SNX9: variants seen among roughly 807,000 people sequenced by gnomAD.
SNX9 encodes sorting nexin-9.
A neutral mutation model predicts 89.4 loss-of-function variants in SNX9; 44 were observed. The ratio of observed to expected loss-of-function variants is 0.49; its 90% CI spans 0.39 to 0.63. The LOEUF (loss-of-function observed/expected upper bound fraction) is 0.63, where lower values mean the gene tolerates loss of function less well. SNX9 is among the 30% of genes least tolerant of loss of function. The pLI, the probability that SNX9 is intolerant of heterozygous loss-of-function variation, is 0.00. For missense variants in SNX9, 578 were observed against 736.1 expected, an observed-to-expected ratio of 0.79 and a Z score of 2.49; for synonymous variants, 236 against 247.8, an observed-to-expected ratio of 0.95 and a Z score of 0.45.
intron 1 of SNX9, among the ~76,000 whole-genome samples, chr6:157,838,298 C>A (rs1216822534): frequency 6.6e-6 from 1 of 152,002 alleles, no homozygotes; most frequent in Non-Finnish European, 1.5e-5. Context: ...CAGGCATGAA[C>A]CACTGTGCTC....
intron 1 of SNX9, among the ~76,000 whole-genome samples, chr6:157,840,160 G>A (rs1781668453): frequency 9.2e-6 from 1 of 108,910 alleles, no homozygotes; most frequent in African/African-American, 4.4e-5. Context: ...TGCTTGGGGT[G>A]TCTTTGGATC....
At chr6:157,925,459 C>G (rs958945747) in intron 10 of SNX9, among the ~76,000 whole-genome samples, 2 of 151,966 alleles carry the variant, frequency 1.3e-5, no homozygotes, top group African/African-American at 2.4e-5. Flanking sequence ...CTCATATGAC[C>G]TGGCATTTCC....
At chr6:157,831,583 C>T (rs1457417717) in intron 1 of SNX9, among the ~76,000 whole-genome samples, 1 of 152,166 alleles carries the variant, frequency 6.6e-6, no homozygotes, top group Non-Finnish European at 1.5e-5. Flanking sequence ...CCCCTGCCCC[C>T]ACACAGTCCC....
chr6:157,867,066 A>C (rs773309107), intron 1 of SNX9, among the ~76,000 whole-genome samples: 1 of 151,990 alleles, frequency 6.6e-6, no homozygotes, highest in Non-Finnish European at 1.5e-5. Flanking sequence ...CTCCCGCCTC[A>C]GTTTTTTCAG....
At chr6:157,930,099 G>T (rs1175894706) in intron 12 of SNX9, among the ~76,000 whole-genome samples, 2 of 152,170 alleles carry the variant, frequency 1.3e-5, no homozygotes, top group Non-Finnish European at 2.9e-5. Flanking sequence ...TGCAGAGGAA[G>T]TTTGCCAGGC....
intron 5 of SNX9, among the ~76,000 whole-genome samples, chr6:157,901,262 CA>C (rs1401334153): frequency 6.6e-6 from 1 of 152,164 alleles, no homozygotes; most frequent in Non-Finnish European, 1.5e-5. Flanking sequence ...GCAATAGTTT[CA>C]GGGGGTCTCC....
intron 12 of SNX9, among the ~76,000 whole-genome samples, chr6:157,931,934 T>C (rs996320719): frequency 2.0e-5 from 3 of 152,218 alleles, no homozygotes; most frequent in African/African-American, 7.2e-5. Flanking sequence ...GAGCTTCCAT[T>C]TCACTTACAT....
At chr6:157,873,306 A>C in intron 3 of SNX9, 130 bp downstream of exon 3, 1 of 521,510 alleles carries the variant, frequency 1.9e-6, no homozygotes. Context: ...ATAAATGTTA[A>C]CTATATAAAA....
chr6:157,902,187 T>A, intron 6 of SNX9, 142 bp downstream of exon 6: 10 of 682,170 alleles, frequency 1.5e-5, no homozygotes, highest in Non-Finnish European at 2.1e-5. Context: ...TTATTTTTAT[T>A]TGGATCTTAA....
chr6:157,871,902 G>A (rs908768418), intron 2 of SNX9, among the ~76,000 whole-genome samples: 3 of 150,050 alleles, frequency 2.0e-5, no homozygotes, highest in Admixed American at 6.7e-5. Context: ...CCAGCCTCCC[G>A]AGTAGCTGGG....
chr6:157,876,484 T>G (rs1583212598), intron 4 of SNX9, among the ~76,000 whole-genome samples: 2 of 152,142 alleles, frequency 1.3e-5, no homozygotes, highest in East Asian at 3.8e-4. Flanking sequence ...TCCAAGTGAG[T>G]TTATATAAGT....
chr6:157,897,311 T>A (rs1229061952), intron 5 of SNX9, among the ~76,000 whole-genome samples: 1 of 152,048 alleles, frequency 6.6e-6, no homozygotes, highest in African/African-American at 2.4e-5. Context: ...TACTGTCAGT[T>A]TATTACAAAG....
At chr6:157,868,812 TTGTAAAC>T (rs1782326169) in intron 2 of SNX9, among the ~76,000 whole-genome samples, 1 of 152,218 alleles carries the variant, frequency 6.6e-6, no homozygotes, top group Non-Finnish European at 1.5e-5. Context: ...GAATTTGTCT[TTGTAAAC>T]TGAGTAAAAC....
At chr6:157,831,175 TCTC>T (rs1781471820) in intron 1 of SNX9, among the ~76,000 whole-genome samples, 1 of 152,172 alleles carries the variant, frequency 6.6e-6, no homozygotes, top group South Asian at 2.1e-4. Context: ...TTCTGCACAT[TCTC>T]ACTCATGGTG....
intron 1 of SNX9, among the ~76,000 whole-genome samples, chr6:157,829,848 G>A (rs895475414): frequency 2.6e-5 from 4 of 152,038 alleles, no homozygotes; most frequent in Non-Finnish European, 5.9e-5. Flanking sequence ...TGCCTGTACA[G>A]CATTGTGTTT....
rs200218006 is a variant in SNX9 at position 157,940,856 on chromosome 6, T to C, written c.1649-27T>C. 41 of 1,604,554 alleles carry C rather than the reference T, an allele frequency of 2.6e-5. 1 individual carries two copies. In the African/African-American group the frequency reaches 3.6e-4, roughly 14 times the overall value. ...GTCATTTGAAAACTTGAGGGAAAAC[T>C]GATTGATGTTCTGATTTGGGTTGTA... is the stretch of plus-strand genomic sequence containing the variant. On this transcript the variant is annotated intron_variant, in intron 16 of 17. Transcript: ENST00000392185.
chr6:157,921,677 A>G lies in SNX9; in HGVS notation c.1080+16A>G. 1 of 1,608,978 alleles carries G rather than the reference A, an allele frequency of 6.2e-7. No individual in the cohort carries two copies. Among genetic ancestry groups the G allele is most frequent in the Non-Finnish European group, 8.5e-7 (1 of 1,176,180 alleles). On this transcript the variant is annotated intron_variant, in intron 10 of 17. Transcript: ENST00000392185. ...AGATGAGAAGGTAGGACATTGTGTT[A>G]ATATGGCATCAGAGAATATTGAGAG...
At chr6:157,864,866 A>G (rs1240925063) in intron 1 of SNX9, among the ~76,000 whole-genome samples, 1 of 152,096 alleles carries the variant, frequency 6.6e-6, no homozygotes, top group Non-Finnish European at 1.5e-5. Context: ...CGTCTCTACC[A>G]AAAATACAAA....
intron 15 of SNX9, 30 bp from the exon 16 acceptor site, chr6:157,938,603 A>G: frequency 3.5e-6 from 5 of 1,427,266 alleles, no homozygotes; most frequent in Non-Finnish European, 4.9e-6. Flanking sequence ...TTTCAGCTTT[A>G]TTCATACTGT....
Sources: allele counts gnomAD v4.1 joint callset (sites outside exome capture counted in the v4.1 genomes callset), GRCh38; gene constraint gnomAD v4.1.1; transcripts MANE v1.5; gene names NCBI Gene and HGNC (gene_info 2026-07-23, HGNC 2026-07-21).